The following ZNF16 variants were observed in gnomAD, a reference collection of about 807,000 sequenced individuals.
The protein encoded by ZNF16 is zinc finger protein KOX9.
Under a neutral mutation model 9.0 loss-of-function variants are expected in ZNF16, and 7 were observed. The observed-to-expected ratio is 0.78, with a 90% CI of 0.44 to 1.47. The LOEUF (loss-of-function observed/expected upper bound fraction) is 1.47, where lower values mean the gene tolerates loss of function less well. ZNF16 is among the 40% of genes most tolerant of loss of function. The pLI, the probability that ZNF16 is intolerant of heterozygous loss-of-function variation, is 0.01. For synonymous variants in ZNF16, 312 were observed against 301.5 expected, an observed-to-expected ratio of 1.03 and a Z score of -0.36; for missense variants, 830 against 854.2, an observed-to-expected ratio of 0.97 and a Z score of 0.35.
At position 144,931,538 on chromosome 8, in the gene ZNF16, C is replaced by A; in HGVS notation, c.1249G>T (p.Val417Phe). The change falls in exon 3 of 3, where the codon GTC (valine) becomes TTC (phenylalanine). Residue 417 changes from valine to phenylalanine, a missense_variant. Physicochemically the swap from Val to Phe is conservative, Grantham distance 50 (BLOSUM62 -1). Transcript: ENST00000394909. Reference protein sequence around the residue: ...CNDCGKPFSRVSNLIKHHRVH... With the variant: ...CNDCGKPFSRFSNLIKHHRVH... ...CTGTGGTGCTTAATGAGGTTGGAGA[C>A]CCGACTGAAGGGCTTGCCACAATCA... 2 of 1,612,854 alleles carry A rather than the reference C, an allele frequency of 1.2e-6. No homozygotes were observed. Among genetic ancestry groups the A allele is most frequent in the Non-Finnish European group, 1.7e-6 (2 of 1,179,672 alleles).
At chr8:144,939,250 T>C (rs1833748132) in intron 2 of ZNF16, among the ~76,000 whole-genome samples, 1 of 152,182 alleles carries the variant, frequency 6.6e-6, no homozygotes, top group South Asian at 2.1e-4. Context: ...AATTAGAAAG[T>C]GTTCTCTCCT....
Position 144,931,674 on chromosome 8 carries a change from G to T in ZNF16, c.1113C>A (p.His371Gln), listed in dbSNP as rs748731971. 1 of 1,614,106 alleles carries T rather than the reference G, an allele frequency of 6.2e-7. No individual in the cohort carries two copies. The highest frequency in any genetic ancestry group is 8.5e-7 in the Non-Finnish European group (1 of 1,180,014). ...SSNLIKHHRT[H>Q]TGEKPFECGE... Reference sequence around the variant, plus strand: ...CACACTCAAAAGGCTTCTCTCCTGTGTGAGTCCTGTGGTGTTTGATGAGGT... The same window carrying T: ...CACACTCAAAAGGCTTCTCTCCTGTTTGAGTCCTGTGGTGTTTGATGAGGT... The change falls in exon 3 of 3, where the codon CAC becomes CAA. Residue 371 changes from histidine to glutamine, a missense_variant. Physicochemically the swap from His to Gln is conservative, Grantham distance 24. Transcript: ENST00000394909.
chr8:144,946,597 ATC>A (rs1833943136), intron 1 of ZNF16, among the ~76,000 whole-genome samples: 6 of 81,610 alleles, frequency 7.4e-5, no homozygotes, highest in East Asian at 4.4e-4. Flanking sequence ...GTGGGTCTGT[ATC>A]CTGCTGTTGG....
At chr8:144,942,108 G>C (rs1833814593) in intron 2 of ZNF16, among the ~76,000 whole-genome samples, 1 of 149,408 alleles carries the variant, frequency 6.7e-6, no homozygotes, top group Non-Finnish European at 1.5e-5. Flanking sequence ...CTCCCAAGTA[G>C]CTGGGACTAC....
chr8:144,943,021 G>A (rs184662155), intron 2 of ZNF16, among the ~76,000 whole-genome samples: 2 of 152,298 alleles, frequency 1.3e-5, no homozygotes, highest in East Asian at 1.9e-4. Context: ...AGCATTCCTT[G>A]TGGGGCAGTC....
chr8:144,943,308 G>T (rs1324293059), intron 2 of ZNF16, among the ~76,000 whole-genome samples: 1 of 152,148 alleles, frequency 6.6e-6, no homozygotes, highest in African/African-American at 2.4e-5. Context: ...ATTAGAAAGA[G>T]ACCTGGTGTG....
chr8:144,945,439 T>G (rs1049784195), intron 2 of ZNF16: 1 of 152,162 alleles, frequency 6.6e-6, no homozygotes, highest in African/African-American at 2.4e-5. Flanking sequence ...ACACCCAGCC[T>G]TTCTTAATTT....
chr8:144,944,710 G>C (rs1370281594), intron 2 of ZNF16: 1 of 152,294 alleles, frequency 6.6e-6, no homozygotes, highest in East Asian at 1.9e-4. Flanking sequence ...CTGCACAACT[G>C]AATATTAAAA....
rs142394771 is a variant in ZNF16 at position 144,931,343 on chromosome 8, T to C, written c.1444A>G (p.Ile482Val). 89 of 1,614,130 alleles carry C rather than the reference T, an allele frequency of 5.5e-5. No individual in the cohort carries two copies. In the African/African-American group the frequency reaches 1.0e-3, roughly 19 times the overall value. Residue 482 changes from isoleucine to valine, a missense_variant, in exon 3 of 3, where the codon ATC becomes GTC. By Grantham distance (29) the Ile-to-Val change is conservative (BLOSUM62 3). Coordinates refer to ENST00000394909, the MANE Select transcript of ZNF16 (RefSeq NM_006958.3). The stretch of plus-strand genomic sequence containing the variant: ...CTGTACGGCTTCTCTCCCGTGTGGA[T>C]GATCTGGTGCTTTCGGAGCACTGAG... ...YSSVLRKHQIIHTGEKPYRCS... is the reference protein window; with the variant it reads ...YSSVLRKHQIVHTGEKPYRCS...
In ZNF16 at chr8:144,943,893, G is replaced by A. The variant is rs549769043; in HGVS notation, c.196+2118C>T. On this transcript the variant is annotated intron_variant, in intron 2 of 2. Coordinates refer to ENST00000394909, the MANE Select transcript of ZNF16 (RefSeq NM_006958.3). Reference sequence around the variant, plus strand: ...TCAATTATCCTATCTTCAAGTTGCCGATTTTTCTGCCTGCTCAAATCTACT... The same window carrying A: ...TCAATTATCCTATCTTCAAGTTGCCAATTTTTCTGCCTGCTCAAATCTACT... Among the ~76,000 whole-genome samples the A allele has an allele frequency of 4.6e-5, 7 of 152,212 alleles. No individual in the cohort carries two copies. In the East Asian group the frequency reaches 9.7e-4, roughly 21 times the overall value.
intron 2 of ZNF16, among the ~76,000 whole-genome samples, chr8:144,935,100 T>C (rs1464086510): frequency 1.3e-5 from 2 of 152,280 alleles, no homozygotes; most frequent in East Asian, 3.9e-4. Flanking sequence ...TTTGGACTGA[T>C]TAAATTCAAT....
At chr8:144,944,714 A>G (rs1451844549) in intron 2 of ZNF16, 1 of 152,234 alleles carries the variant, frequency 6.6e-6, no homozygotes, top group Non-Finnish European at 1.5e-5. Flanking sequence ...ACAACTGAAT[A>G]TTAAAATGTG....
rs373206540 is a variant in ZNF16 at position 144,932,475 on chromosome 8, G to C, written c.312C>G (p.Pro104=). 6.2e-6 allele frequency: 10 copies of C among 1,614,054 alleles called. No individual in the cohort carries two copies. Among genetic ancestry groups the C allele is most frequent in the African/African-American group, 1.3e-5 (1 of 74,928 alleles). The stretch of plus-strand genomic sequence containing the variant: ...CATCATCACACAGATCTCCAAGCTC[G>C]GGTACCTGGGAAACATCACCAGCAT... ...ENYAGDVSQV[P]ELGDLCDDVS... is the part of the protein sequence containing the mutation. Residue 104 remains proline, a synonymous_variant, in exon 3 of 3, where the codon CCC becomes CCG. Transcript: ENST00000394909. The surrounding 1 kb of genome is among the most constrained non-coding windows in gnomAD (Gnocchi z 5.0).
intron 2 of ZNF16, among the ~76,000 whole-genome samples, chr8:144,938,005 T>G (rs1241760338): frequency 1.3e-5 from 2 of 152,212 alleles, no homozygotes; most frequent in African/African-American, 4.8e-5. Flanking sequence ...TCTACTTGTC[T>G]CAGCACCATT....
chr8:144,938,416 ATTTC>A (rs1222200191), intron 2 of ZNF16, among the ~76,000 whole-genome samples: 1 of 152,168 alleles, frequency 6.6e-6, no homozygotes, highest in Non-Finnish European at 1.5e-5. Flanking sequence ...TTTATTTGTG[ATTTC>A]TTTAATTCCT....
chr8:144,939,398 A>G (rs1833751809), intron 2 of ZNF16, among the ~76,000 whole-genome samples: 1 of 152,010 alleles, frequency 6.6e-6, no homozygotes, highest in South Asian at 2.1e-4. Flanking sequence ...TGAGCTCAGG[A>G]GTTTGAGACC....
Position 144,940,631 on chromosome 8 carries a change from G to A in ZNF16, c.196+5380C>T, listed in dbSNP as rs151064330. On this transcript the variant is annotated intron_variant, in intron 2 of 2. Transcript: ENST00000394909. ...TTTTGTGGTCTAACATATGGTTTGT[G>A]TTACATGTACACTTGAGAAGAATGT... Among the ~76,000 whole-genome samples, 153 of 152,288 alleles carry A rather than the reference G, an allele frequency of 1.0e-3. 2 individuals carry two copies. Among genetic ancestry groups the A allele is most frequent in the Admixed American group, 6.1e-3 (94 of 15,306 alleles).
chr8:144,931,140 T>C lies in ZNF16; in HGVS notation c.1647A>G (p.Glu549=). 1.2e-6 allele frequency: 2 copies of C among 1,614,146 alleles called. No homozygotes were observed. Among genetic ancestry groups the C allele is most frequent in the Non-Finnish European group, 8.5e-7 (1 of 1,180,004 alleles). The change falls in exon 3 of 3, where the codon GAA becomes GAG. Residue 549 remains glutamate (E), a synonymous_variant. Coordinates refer to ENST00000394909, the MANE Select transcript of ZNF16 (RefSeq NM_006958.3). Reference sequence around the variant, plus strand: ...AGCTCTGGCTGAAGGTTTTTCCACATTCAGTACATTCATAGGGCTTCTCTC... The same window carrying C: ...AGCTCTGGCTGAAGGTTTTTCCACACTCAGTACATTCATAGGGCTTCTCTC... ...HTGEKPYECT[E]CGKTFSQSST... is the part of the protein sequence containing the mutation.
chr8:144,930,860 C>T lies in ZNF16; in HGVS notation c.1927G>A (p.Val643Ile). The T allele has an allele frequency of 6.2e-7, 1 of 1,603,948 alleles. No homozygotes were observed. Among genetic ancestry groups the T allele is most frequent in the Non-Finnish European group, 8.5e-7 (1 of 1,174,390 alleles). The change falls in exon 3 of 3, where the codon GTC (valine) becomes ATC (isoleucine). Residue 643 changes from valine (V) to isoleucine (I), a missense_variant. Val to Ile is a conservative substitution (Grantham distance 29). Coordinates refer to ENST00000394909, the MANE Select transcript of ZNF16 (RefSeq NM_006958.3). ...TGAATCCTCTGGTGCTGGATGAGGA[C>T]CGAACGCTGACTGAAGGCTTTCCCA... is the stretch of plus-strand genomic sequence containing the variant. ...ECGKAFSQRS[V>I]LIQHQRIHTG...
Sources: gnomAD v4.1 joint callset for allele counts (sites outside exome capture counted in the v4.1 genomes callset) on GRCh38, gnomAD v4.1.1 for gene constraint, Gnocchi (gnomAD v3.1) non-coding constraint, MANE v1.5 for transcripts, NCBI Gene and HGNC (gene_info 2026-07-23, HGNC 2026-07-21) for gene names.